CDH18: variants seen among roughly 807,000 people sequenced by gnomAD.
The protein encoded by CDH18 is cadherin-18.
Under a neutral mutation model 67.9 loss-of-function variants are expected in CDH18, and 31 were observed. The observed-to-expected ratio is 0.46, with a 90% CI of 0.34 to 0.62. The LOEUF (loss-of-function observed/expected upper bound fraction) is 0.62, where lower values mean the gene tolerates loss of function less well. Among genes scored for constraint, CDH18 ranks in the 20% least tolerant of loss-of-function variants. CDH18 has a pLI of 0.01. For missense variants in CDH18, 890 were observed against 975.5 expected, an observed-to-expected ratio of 0.91 and a Z score of 1.17; for synonymous variants, 362 against 347.2, an observed-to-expected ratio of 1.04 and a Z score of -0.48.
intron 2 of CDH18, among the ~76,000 whole-genome samples, chr5:20,242,010 C>T (rs144855406): frequency 0.011 from 1,661 of 150,908 alleles, 31 homozygotes; most frequent in African/African-American, 0.038. Context: ...AGCTACAACA[C>T]GTGTCAAGTA....
intron 5 of CDH18, among the ~76,000 whole-genome samples, chr5:19,715,217 G>A (rs890550696): frequency 1.5e-4 from 23 of 152,044 alleles, no homozygotes; most frequent in Non-Finnish European, 1.8e-4. Context: ...ATAAATTTGG[G>A]GAGGTAATAG....
intron 2 of CDH18, among the ~76,000 whole-genome samples, chr5:20,067,176 T>G (rs1743052885): frequency 6.6e-6 from 1 of 151,852 alleles, no homozygotes; most frequent in Non-Finnish European, 1.5e-5. Context: ...TTTATATCAG[T>G]GACTTGAGCG....
chr5:20,396,647 A>G (rs1745306300), intron 1 of CDH18, among the ~76,000 whole-genome samples: 1 of 116,494 alleles, frequency 8.6e-6, no homozygotes, highest in South Asian at 2.8e-4. Context: ...GATAAAATCT[A>G]ATGAATTGAT....
At chr5:19,514,607 C>T (rs1333143820) in intron 10 of CDH18, among the ~76,000 whole-genome samples, 1 of 152,188 alleles carries the variant, frequency 6.6e-6, no homozygotes, top group Non-Finnish European at 1.5e-5. Context: ...TGATGATGAG[C>T]ATTTTTTCAT....
intron 1 of CDH18, among the ~76,000 whole-genome samples, chr5:20,440,156 G>C (rs1749503953): frequency 6.6e-6 from 1 of 151,790 alleles, no homozygotes; most frequent in Admixed American, 6.6e-5. Context: ...TTCAACAACT[G>C]TCTTTTGACA....
intron 3 of CDH18, among the ~76,000 whole-genome samples, chr5:19,829,828 C>CA (rs531078326): frequency 8.4e-4 from 127 of 152,052 alleles, no homozygotes; most frequent in African/African-American, 3.0e-3. Context: ...GGTACAAGTA[C>CA]AAAAAAATGG....
At chr5:20,144,326 C>T (rs1022259837) in intron 2 of CDH18, among the ~76,000 whole-genome samples, 6 of 152,154 alleles carry the variant, frequency 3.9e-5, no homozygotes, top group African/African-American at 1.4e-4. Context: ...TATTAAAAGA[C>T]TTAAAATCTA....
chr5:20,041,361 T>A (rs1740407308), intron 2 of CDH18, among the ~76,000 whole-genome samples: 1 of 152,214 alleles, frequency 6.6e-6, no homozygotes, highest in African/African-American at 2.4e-5. Flanking sequence ...AATGAGAACT[T>A]GATTTACAAA....
At chr5:19,778,004 T>C (rs960452965) in intron 3 of CDH18, among the ~76,000 whole-genome samples, 4 of 152,128 alleles carry the variant, frequency 2.6e-5, no homozygotes, top group Non-Finnish European at 5.9e-5. Context: ...ATCAAATTCC[T>C]TGAAAATCCC....
chr5:19,999,471 AG>A (rs1429990832), intron 2 of CDH18, among the ~76,000 whole-genome samples: 2 of 152,086 alleles, frequency 1.3e-5, no homozygotes, highest in African/African-American at 4.8e-5. Flanking sequence ...GCATGGTGGC[AG>A]GTACCTATAA....
At position 20,279,099 on chromosome 5, in the gene CDH18, G is replaced by A. The variant is rs193064922; in HGVS notation, c.-579-23594C>T. Among the ~76,000 whole-genome samples the A allele has an allele frequency of 7.7e-4, 117 of 152,060 alleles. 2 individuals carry two copies. The East Asian group carries it at 0.021, about 27-fold the overall frequency. On this transcript the variant is annotated intron_variant, in intron 1 of 14. Transcript: ENST00000507958. ...AATGGGCTAAACTATCCAATCAAAA[G>A]ATACAGAGTGGCAGAATGGATAAGA...
intron 1 of CDH18, among the ~76,000 whole-genome samples, chr5:20,475,425 A>G (rs58369255): frequency 0.055 from 8,333 of 152,214 alleles, 749 homozygotes; most frequent in African/African-American, 0.19. Flanking sequence ...CAAGAGCAAC[A>G]AAAGCCATTG....
At chr5:19,863,468 T>A (rs950159981) in intron 2 of CDH18, among the ~76,000 whole-genome samples, 1 of 152,164 alleles carries the variant, frequency 6.6e-6, no homozygotes, top group African/African-American at 2.4e-5. Flanking sequence ...AGATTGTCAG[T>A]ATTCTGAGGA....
chr5:19,636,244 A>G (rs1220335191), intron 5 of CDH18, among the ~76,000 whole-genome samples: 1 of 152,066 alleles, frequency 6.6e-6, no homozygotes. Context: ...TTGACACAAA[A>G]TTGTATGTAT....
chr5:19,744,866 T>C (rs1561206626), intron 4 of CDH18, among the ~76,000 whole-genome samples: 2 of 151,954 alleles, frequency 1.3e-5, no homozygotes, highest in Non-Finnish European at 2.9e-5. Flanking sequence ...ATTTTTCTCT[T>C]TTTATTAGGC....
At chr5:19,525,725 C>A (rs1225932565) in intron 9 of CDH18, among the ~76,000 whole-genome samples, 1 of 152,130 alleles carries the variant, frequency 6.6e-6, no homozygotes, top group African/African-American at 2.4e-5. Context: ...TGAGATATTT[C>A]TGTAGTTGTG....
At chr5:20,150,434 G>T (rs996611884) in intron 2 of CDH18, among the ~76,000 whole-genome samples, 1 of 151,946 alleles carries the variant, frequency 6.6e-6, no homozygotes, top group Non-Finnish European at 1.5e-5. Flanking sequence ...TGCCTATGAA[G>T]TATAATAAGT....
intron 2 of CDH18, among the ~76,000 whole-genome samples, chr5:20,245,725 C>T (rs183820825): frequency 3.9e-5 from 6 of 152,028 alleles, no homozygotes; most frequent in Non-Finnish European, 7.4e-5. Flanking sequence ...TAAAAACACG[C>T]ATATAATGCA....
chr5:19,656,142 A>AT (rs1756357345), intron 5 of CDH18, among the ~76,000 whole-genome samples: 1 of 151,970 alleles, frequency 6.6e-6, no homozygotes, highest in African/African-American at 2.4e-5. Flanking sequence ...TAGGCAGGAA[A>AT]TTTACTTCTG....
Sources: gnomAD v4.1 joint callset for allele counts (sites outside exome capture counted in the v4.1 genomes callset) on GRCh38, gnomAD v4.1.1 for gene constraint, MANE v1.5 for transcripts, NCBI Gene and HGNC (gene_info 2026-07-23, HGNC 2026-07-21) for gene names.